ADGRL2: variants seen among roughly 807,000 people sequenced by gnomAD.
ADGRL2 encodes adhesion G protein-coupled receptor L2.
A neutral mutation model predicts 157.4 loss-of-function variants in ADGRL2; 44 were observed. The observed-to-expected ratio is 0.28, with a 90% confidence interval of 0.22 to 0.36. The LOEUF (loss-of-function observed/expected upper bound fraction) is 0.36. Among genes scored for constraint, ADGRL2 ranks in the 10% least tolerant of loss-of-function variants. ADGRL2 has a pLI of 1.00. For missense variants in ADGRL2, 1,510 were observed against 1,768.9 expected (o/e 0.85, Z 2.63); for synonymous variants, 585 against 624.7 (o/e 0.94, Z 0.95).
At chr1:81,806,989 A>G in intron 1 of ADGRL2, among the ~76,000 whole-genome samples, 1 of 152,030 alleles carries the variant, frequency 6.6e-6, no homozygotes. Context: ...TCTGCAGAAA[A>G]GATTTATGTA....
Position 81,485,122 on chromosome 1 carries a change from G to A in ADGRL2, c.-248+40033G>A, listed in dbSNP as rs989941092. Among the ~76,000 whole-genome samples, 3 of 151,222 alleles carry A rather than the reference G, an allele frequency of 2.0e-5. No individual in the cohort carries two copies. In the South Asian group the frequency reaches 6.3e-4, roughly 32 times the overall value. On this transcript the variant is annotated intron_variant, in intron 2 of 24. Coordinates refer to the ADGRL2 transcript ENST00000370721. ...TAGTTCAGCTTAGACTTGGAAATTA[G>A]GTCTAAAGAAGAAAAGCAAGGAATT...
chr1:81,504,755 C>G (rs2078933528), intron 2 of ADGRL2, among the ~76,000 whole-genome samples: 1 of 152,146 alleles, frequency 6.6e-6, no homozygotes, highest in Admixed American at 6.5e-5. Context: ...CCACCCCCAG[C>G]TGACCAGGGA....
intron 3 of ADGRL2, among the ~76,000 whole-genome samples, chr1:81,616,016 C>T (rs1375611155): frequency 6.6e-6 from 1 of 152,076 alleles, no homozygotes; most frequent in East Asian, 1.9e-4. Flanking sequence ...CTTTATGCCA[C>T]TGCGCACTCA....
chr1:81,506,668 C>T (rs990284768), intron 2 of ADGRL2, among the ~76,000 whole-genome samples: 1 of 151,964 alleles, frequency 6.6e-6, no homozygotes, highest in African/African-American at 2.4e-5. Context: ...TGTGATGGCA[C>T]CACTGCACTC....
chr1:81,858,478 A>C (rs528331293), intron 2 of ADGRL2, among the ~76,000 whole-genome samples: 56 of 152,292 alleles, frequency 3.7e-4, no homozygotes, highest in Non-Finnish European at 5.0e-4. Context: ...TTCCTGTAAA[A>C]TTCCTCTTAG....
intron 2 of ADGRL2, among the ~76,000 whole-genome samples, chr1:81,499,456 G>C (rs1254549360): frequency 2.0e-5 from 3 of 152,230 alleles, no homozygotes; most frequent in African/African-American, 7.2e-5. Context: ...AAGATAGAAT[G>C]GGACTTGAAC....
intron 2 of ADGRL2, chr1:81,502,776 C>T: frequency 1.2e-6 from 2 of 1,613,206 alleles, no homozygotes; most frequent in Admixed American, 3.3e-5. Context: ...GGCGGCCCAG[C>T]TACAGCTCCT....
intron 3 of ADGRL2, among the ~76,000 whole-genome samples, chr1:81,619,280 T>G (rs2081736181): frequency 6.6e-6 from 1 of 152,110 alleles, no homozygotes; most frequent in Admixed American, 6.5e-5. Flanking sequence ...TGTGGCTTTT[T>G]TTTTTTTTTA....
chr1:81,678,146 C>T (rs2083034718), intron 3 of ADGRL2, among the ~76,000 whole-genome samples: 1 of 152,144 alleles, frequency 6.6e-6, no homozygotes. Context: ...ATCCATTATA[C>T]CACACCATAT....
chr1:81,572,113 T>A (rs2080707563), intron 2 of ADGRL2, among the ~76,000 whole-genome samples: 1 of 152,196 alleles, frequency 6.6e-6, no homozygotes. Flanking sequence ...ACAGGAGCAA[T>A]GAAGCATCAG....
At chr1:81,872,845 C>T (rs1261962831) in intron 2 of ADGRL2, among the ~76,000 whole-genome samples, 5 of 151,830 alleles carry the variant, frequency 3.3e-5, no homozygotes, top group Admixed American at 6.6e-5. Flanking sequence ...TAGTGTTCAT[C>T]AGTATAAAGG....
intron 1 of ADGRL2, among the ~76,000 whole-genome samples, chr1:81,754,674 T>C (rs112014926): frequency 0.038 from 5,290 of 139,786 alleles, 279 homozygotes; most frequent in African/African-American, 0.13. Flanking sequence ...CCCTTCCTCC[T>C]TTCCTCCCTT....
intron 2 of ADGRL2, among the ~76,000 whole-genome samples, chr1:81,509,241 T>G (rs1341328127): frequency 6.6e-6 from 1 of 152,194 alleles, no homozygotes; most frequent in African/African-American, 2.4e-5. Flanking sequence ...CCCTGTTAAC[T>G]GCATCTTAGT....
chr1:81,314,973 T>C (rs1660007655), intron 1 of ADGRL2, among the ~76,000 whole-genome samples: 1 of 152,306 alleles, frequency 6.6e-6, no homozygotes, highest in East Asian at 1.9e-4. Flanking sequence ...ATTTGGTCTT[T>C]GCAACTCTTC....
chr1:81,341,459 GT>G (rs200053069), intron 1 of ADGRL2, among the ~76,000 whole-genome samples: 2 of 147,950 alleles, frequency 1.4e-5, no homozygotes, highest in Admixed American at 6.7e-5. Flanking sequence ...TTTTTTTTTT[GT>G]TTTTTTATGT....
chr1:81,539,355 C>T (rs2079825537), intron 2 of ADGRL2, among the ~76,000 whole-genome samples: 2 of 152,112 alleles, frequency 1.3e-5, no homozygotes, highest in African/African-American at 4.8e-5. Context: ...CTGTAAAACG[C>T]ATATTGACAG....
intron 2 of ADGRL2, among the ~76,000 whole-genome samples, chr1:81,572,837 G>A: frequency 6.6e-6 from 1 of 151,338 alleles, no homozygotes; most frequent in South Asian, 2.1e-4. Flanking sequence ...CTCACTCAGA[G>A]GGCAAATATG....
chr1:81,971,933 T>C lies in ADGRL2; in HGVS notation c.3021+15T>C. 1.3e-6 allele frequency: 2 copies of C among 1,590,742 alleles called. No homozygotes were observed. The highest frequency in any genetic ancestry group is 8.6e-7 in the Non-Finnish European group (1 of 1,161,936). ...TCATTATTCTGGTAAGCAGGTTCTG[T>C]TTTCCCTTGCTTTTTAGCTTGCTGC... On this transcript the variant is annotated intron_variant, in intron 17 of 23. Coordinates refer to ENST00000686636, the MANE Select transcript of ADGRL2 (RefSeq NM_001366006.2).
At chr1:81,589,681 A>T (rs1006054952) in intron 3 of ADGRL2, among the ~76,000 whole-genome samples, 1 of 152,162 alleles carries the variant, frequency 6.6e-6, no homozygotes, top group East Asian at 1.9e-4. Context: ...ACTATCTATT[A>T]TGAAAGTAGT....
Sources: gnomAD v4.1 joint callset for allele counts (sites outside exome capture counted in the v4.1 genomes callset) on GRCh38, gnomAD v4.1.1 for gene constraint, MANE v1.5 for transcripts, NCBI Gene and HGNC (gene_info 2026-07-23, HGNC 2026-07-21) for gene names.